IDO2: variants seen among roughly 807,000 people sequenced by gnomAD.
The protein encoded by IDO2 is indoleamine 2,3-dioxygenase 2, also known as indoleamine 2,3-dioxygenase-like 1 protein.
IDO2 carries 46 observed loss-of-function variants against 45.1 expected under a neutral mutation model. The ratio of observed to expected loss-of-function variants is 1.02; its 90% CI spans 0.80 to 1.30. IDO2 has a LOEUF of 1.30. Among genes scored for constraint, IDO2 ranks in the 50% most tolerant of loss-of-function variants. IDO2 has a pLI of 0.00. For missense variants in IDO2, 544 were observed against 491.8 expected (o/e 1.11, Z -1.00); for synonymous variants, 218 against 184.9 (o/e 1.18, Z -1.45).
chr8:39,948,874 C>G (rs1807775876), intron 1 of IDO2, among the ~76,000 whole-genome samples: 1 of 152,150 alleles, frequency 6.6e-6, no homozygotes, highest in African/African-American at 2.4e-5. Context: ...AAATTTGTCT[C>G]TGGGGTTAAA....
chr8:39,957,710 A>G (rs1412137737), intron 2 of IDO2, among the ~76,000 whole-genome samples: 2 of 152,206 alleles, frequency 1.3e-5, no homozygotes, highest in South Asian at 2.1e-4. Flanking sequence ...AAGGGCATGT[A>G]ATAGCTCTTT....
At chr8:39,937,050 A>G (rs1807563792) in intron 1 of IDO2, among the ~76,000 whole-genome samples, 1 of 152,240 alleles carries the variant, frequency 6.6e-6, no homozygotes, top group Admixed American at 6.5e-5. Flanking sequence ...TAACATACCT[A>G]TTGTACAAAG....
At chr8:39,949,244 T>C (rs1272178315) in exon 2 of IDO2, 1 of 1,596,324 alleles carries the variant, frequency 6.3e-7, no homozygotes, top group Admixed American at 1.7e-5. Context: ...AGAGTATGGC[T>C]TTCTTCTTCC....
rs772543426 is a variant in IDO2 at position 39,984,986 on chromosome 8, C to G, written c.435-522C>G. The G allele has an allele frequency of 5.1e-4, 207 of 408,118 alleles. 1 individual carries two copies. Among genetic ancestry groups the G allele is most frequent in the Non-Finnish European group, 1.8e-4 (37 of 209,608 alleles). The allele number at this position is 408,118 out of a possible 1,614,324, so 25.3% of individuals were successfully genotyped here. On this transcript the variant is annotated intron_variant, in intron 5 of 10. Coordinates refer to ENST00000502986, the Ensembl canonical transcript of IDO2. ...TCCCTCTGTCTCCCAGGCTGGAGTG[C>G]AGTGGCATGATCTCGGCTCACTGCA...
intron 8 of IDO2, among the ~76,000 whole-genome samples, chr8:40,001,092 G>A (rs1203506937): frequency 2.0e-5 from 3 of 151,988 alleles, no homozygotes; most frequent in East Asian, 1.9e-4. Flanking sequence ...GCCTTTCAAA[G>A]TACCGAGATT....
chr8:39,981,536 A>G (rs1171519936), intron 4 of IDO2, among the ~76,000 whole-genome samples: 1 of 151,928 alleles, frequency 6.6e-6, no homozygotes, highest in African/African-American at 2.4e-5. Flanking sequence ...GTTCCAGGGG[A>G]CCCGGAGGCT....
chr8:39,994,309 G>A (rs1193252240), intron 8 of IDO2, among the ~76,000 whole-genome samples: 3 of 151,286 alleles, frequency 2.0e-5, no homozygotes, highest in African/African-American at 4.9e-5. Flanking sequence ...CCAGGCTGGG[G>A]TGCGATGGCG....
intron 4 of IDO2, among the ~76,000 whole-genome samples, 167 bp downstream of exon 4, chr8:39,979,353 TA>T (rs201296693): frequency 0.051 from 7,685 of 152,094 alleles, 230 homozygotes; most frequent in Middle Eastern, 0.12. Context: ...TATTTATTAT[TA>T]TTATTTTTTT....
At chr8:39,945,357 T>G (rs1281475289) in intron 1 of IDO2, among the ~76,000 whole-genome samples, 3 of 152,200 alleles carry the variant, frequency 2.0e-5, no homozygotes, top group Non-Finnish European at 4.4e-5. Flanking sequence ...GGACCTACAT[T>G]CAAAAAATGG....
chr8:39,977,462 C>A (rs990836455), intron 3 of IDO2, among the ~76,000 whole-genome samples: 12 of 152,168 alleles, frequency 7.9e-5, no homozygotes, highest in Admixed American at 6.5e-4. Context: ...TTGTTCCAAC[C>A]CAGAAGTTTG....
intron 3 of IDO2, among the ~76,000 whole-genome samples, chr8:39,968,188 C>T (rs56276539): frequency 0.079 from 11,944 of 151,872 alleles, 532 homozygotes; most frequent in Middle Eastern, 0.12. Context: ...TAGTATTCAG[C>T]GATACAAATG....
intron 2 of IDO2, among the ~76,000 whole-genome samples, chr8:39,962,254 C>T (rs1297796390): frequency 1.3e-5 from 2 of 152,168 alleles, no homozygotes; most frequent in South Asian, 2.1e-4. Flanking sequence ...ATTTAATAAT[C>T]ACATCATTTT....
At chr8:39,992,073 T>C (rs1178992855) in intron 8 of IDO2, among the ~76,000 whole-genome samples, 1 of 152,256 alleles carries the variant, frequency 6.6e-6, no homozygotes, top group Non-Finnish European at 1.5e-5. Context: ...TGGATTGGAC[T>C]GTGTTTTCTA....
intron 1 of IDO2, among the ~76,000 whole-genome samples, chr8:39,947,574 T>C (rs1248403241): frequency 1.3e-5 from 2 of 152,160 alleles, no homozygotes; most frequent in Non-Finnish European, 2.9e-5. Context: ...AAGTTCTAAG[T>C]TGCTAGCCAA....
rs1354193911 is a variant in IDO2 at position 39,967,859 on chromosome 8, A to G, written c.195+4156A>G. On this transcript the variant is annotated intron_variant, in intron 3 of 10. Coordinates refer to ENST00000502986, the Ensembl canonical transcript of IDO2. Reference sequence around the variant, plus strand: ...TGGCCATATCAAAATACTGAAGAGGACGTATAGCAATAGAGACTTTCATTC... The same window carrying G: ...TGGCCATATCAAAATACTGAAGAGGGCGTATAGCAATAGAGACTTTCATTC... Among the ~76,000 whole-genome samples, 8 of 152,334 alleles carry G rather than the reference A, an allele frequency of 5.3e-5. 1 individual carries two copies. The highest frequency in any genetic ancestry group is 1.9e-4 in the African/African-American group (8 of 41,582).
At chr8:39,939,571 A>G (rs963144624) in intron 1 of IDO2, among the ~76,000 whole-genome samples, 5 of 137,914 alleles carry the variant, frequency 3.6e-5, no homozygotes, top group African/African-American at 1.3e-4. Context: ...AAAAAAAAAA[A>G]AGGAAAGAAA....
At chr8:39,943,924 G>A (rs1426099882) in intron 1 of IDO2, among the ~76,000 whole-genome samples, 1 of 152,018 alleles carries the variant, frequency 6.6e-6, no homozygotes, top group Non-Finnish European at 1.5e-5. Flanking sequence ...AGAATGGCTC[G>A]AGAGGTGCTG....
At chr8:39,936,921 A>G (rs767775247) in intron 1 of IDO2, among the ~76,000 whole-genome samples, 13 of 152,100 alleles carry the variant, frequency 8.5e-5, no homozygotes, top group Admixed American at 2.0e-4. Flanking sequence ...AGGCCTTATC[A>G]CCTCCTCCTT....
intron 1 of IDO2, among the ~76,000 whole-genome samples, chr8:39,938,004 T>C (rs1807584585): frequency 6.6e-6 from 1 of 152,254 alleles, no homozygotes; most frequent in Non-Finnish European, 1.5e-5. Flanking sequence ...ATGTGTATTT[T>C]ATTTGTCCTT....
Sources: allele counts gnomAD v4.1 joint callset (sites outside exome capture counted in the v4.1 genomes callset), GRCh38; gene constraint gnomAD v4.1.1; transcripts MANE v1.5; gene names NCBI Gene and HGNC (gene_info 2026-07-23, HGNC 2026-07-21).